Variants in PTPN2 observed in about 807,000 individuals in gnomAD.
The protein encoded by PTPN2 is tyrosine-protein phosphatase non-receptor type 2.
Under a neutral mutation model 57.3 loss-of-function variants are expected in PTPN2, and 19 were observed. The ratio of observed to expected loss-of-function variants is 0.33; its 90% CI spans 0.23 to 0.49. The LOEUF (loss-of-function observed/expected upper bound fraction) is 0.49, where lower values mean the gene tolerates loss of function less well. Ranked by LOEUF, PTPN2 falls within the 20% of genes least tolerant of loss-of-function variation. The probability of loss-of-function intolerance (pLI) is 0.99; values close to 1 mark genes in which losing one functional copy is unlikely to be tolerated. For missense variants in PTPN2, 358 were observed against 501.1 expected (o/e 0.71, Z 2.73); for synonymous variants, 153 against 164.9 (o/e 0.93, Z 0.55).
chr18:12,874,373 A>G (rs1251753852), intron 1 of PTPN2, among the ~76,000 whole-genome samples: 1 of 121,034 alleles, frequency 8.3e-6, no homozygotes, highest in Non-Finnish European at 1.7e-5. Context: ...GGCCGCCCCT[A>G]CTGGGAAGTG....
chr18:12,828,925 G>T (rs2042571069), intron 4 of PTPN2, among the ~76,000 whole-genome samples: 1 of 152,032 alleles, frequency 6.6e-6, no homozygotes, highest in Non-Finnish European at 1.5e-5. Flanking sequence ...TTGAGACAGG[G>T]TCTCGCTCTG....
chr18:12,788,039 G>A (rs142135775), downstream of PTPN2: 138 of 154,900 alleles, frequency 8.9e-4, 2 homozygotes, highest in East Asian at 0.022. Flanking sequence ...CTCTTAAGGT[G>A]CAAAGATGCT....
intron 1 of PTPN2, among the ~76,000 whole-genome samples, chr18:12,873,549 G>T (rs531487766): frequency 2.6e-5 from 4 of 152,194 alleles, no homozygotes; most frequent in Non-Finnish European, 4.4e-5. Context: ...CTCGGCCTCC[G>T]GAGGTGCCGG....
At chr18:12,877,604 C>T (rs1452854871) in intron 1 of PTPN2, among the ~76,000 whole-genome samples, 4 of 152,154 alleles carry the variant, frequency 2.6e-5, no homozygotes, top group African/African-American at 9.7e-5. Context: ...CTGGCTGCCC[C>T]GCTGTAAGTA....
rs1172552219 is a variant in PTPN2 at position 12,814,323 on chromosome 18, T to C, written c.738A>G (p.Gln246=). ...GGTATTTTCTCATGTTCAGTAACAC[T>C]TGTTTTATGTTAATATCATCTCCTT... ...MEKGDDINIK[Q]VLLNMRKYRM... Residue 246 remains glutamine (Q), a synonymous_variant, in exon 7 of 9, where the codon CAA becomes CAG. Coordinates refer to ENST00000309660, the MANE Select transcript of PTPN2 (RefSeq NM_002828.4). The C allele has an allele frequency of 1.2e-6, 2 of 1,603,198 alleles. No homozygotes were observed.
At chr18:12,827,254 A>C (rs1026244660) in intron 4 of PTPN2, among the ~76,000 whole-genome samples, 1 of 151,878 alleles carries the variant, frequency 6.6e-6, no homozygotes, top group African/African-American at 2.4e-5. Context: ...GAGGCAGAAG[A>C]ATGGCGTGAA....
intron 5 of PTPN2, among the ~76,000 whole-genome samples, chr18:12,822,425 T>C (rs957277655): frequency 2.6e-5 from 4 of 152,288 alleles, no homozygotes; most frequent in Admixed American, 2.6e-4. Flanking sequence ...ATTTTTAAAA[T>C]CCCTCAAAAT....
intron 7 of PTPN2, among the ~76,000 whole-genome samples, chr18:12,803,308 A>G (rs1044689265): frequency 1.3e-5 from 2 of 152,184 alleles, no homozygotes; most frequent in Admixed American, 6.5e-5. Context: ...AAGGTAAACA[A>G]TAAGAGAGAA....
intron 2 of PTPN2, among the ~76,000 whole-genome samples, chr18:12,840,060 T>C (rs1427927166): frequency 6.6e-6 from 1 of 152,226 alleles, no homozygotes; most frequent in African/African-American, 2.4e-5. Flanking sequence ...TGTAACTGGT[T>C]ACAATTCATC....
At chr18:12,835,382 CTTTTTT>C (rs60239177) in intron 3 of PTPN2, among the ~76,000 whole-genome samples, 3 of 99,030 alleles carry the variant, frequency 3.0e-5, no homozygotes, top group African/African-American at 1.3e-4. Context: ...TCACATATGT[CTTTTTT>C]TTTTTTTTGG....
chr18:12,872,277 G>A (rs932556497), intron 1 of PTPN2: 2 of 152,086 alleles, frequency 1.3e-5, no homozygotes, highest in South Asian at 2.1e-4. Context: ...AAACTGTAAT[G>A]AGAAATTGAT....
At chr18:12,790,270 G>C (rs889663470), downstream of PTPN2, among the ~76,000 whole-genome samples, 25 of 152,088 alleles carry the variant, frequency 1.6e-4, no homozygotes, top group Non-Finnish European at 2.8e-4. Flanking sequence ...ATCAAGGCAG[G>C]CTAGATTTTT....
chr18:12,832,055 G>C (rs1187470535), intron 3 of PTPN2, among the ~76,000 whole-genome samples: 1 of 152,158 alleles, frequency 6.6e-6, no homozygotes, highest in African/African-American at 2.4e-5. Context: ...GTCAGGAGTG[G>C]GGGCTAGGGC....
Position 12,793,846 on chromosome 18 carries a change from A to T in PTPN2, c.*432T>A. 9.9e-7 allele frequency: 1 copy of T among 1,012,766 alleles called. No homozygotes were observed. Among genetic ancestry groups the T allele is most frequent in the Non-Finnish European group, 1.2e-6 (1 of 838,920 alleles). 62.7% of individuals were successfully genotyped at this position (1,012,766 alleles called of 1,614,324 possible). ...TGCCCATGTCAATAGTACATTATAC[A>T]TTACACACATTATTTAAATGTCATT... On this transcript the variant is annotated 3_prime_UTR_variant, in exon 9 of 9. Transcript: ENST00000309660.
Position 12,794,415 on chromosome 18 carries a change from T to C in PTPN2, c.1111A>G (p.Arg371Gly), listed in dbSNP as rs536642089. Residue 371 changes from arginine to glycine, a missense_variant, in exon 9 of 9, where the codon AGG becomes GGG. By Grantham distance (125) the Arg-to-Gly change is moderately radical. Transcript: ENST00000309660. ...CTTTTTCGTTCATTCTCATTTAGCC[T>C]CTGTTTCATCTGCTGCACCTTCTGA... ...TAQKVQQMKQ[R>G]LNENERKRKR... is the part of the protein sequence containing the mutation. The C allele has an allele frequency of 1.4e-4, 220 of 1,614,206 alleles. 1 individual carries two copies. In the South Asian group the frequency reaches 2.2e-3, roughly 16 times the overall value.
chr18:12,835,274 AATT>A (rs1310814316), intron 3 of PTPN2, among the ~76,000 whole-genome samples: 5 of 152,140 alleles, frequency 3.3e-5, no homozygotes. Context: ...AAGCTCCACA[AATT>A]ATTACTAATG....
chr18:12,807,656 CA>C (rs954304986), intron 7 of PTPN2, among the ~76,000 whole-genome samples: 6 of 133,960 alleles, frequency 4.5e-5, no homozygotes, highest in Non-Finnish European at 9.4e-5. Flanking sequence ...TCTTTTGTGG[CA>C]AAATGGATGA....
chr18:12,860,861 C>T (rs367614326), intron 1 of PTPN2, among the ~76,000 whole-genome samples: 1 of 151,906 alleles, frequency 6.6e-6, no homozygotes, highest in Non-Finnish European at 1.5e-5. Flanking sequence ...GTTTGATCTC[C>T]CAGGAAACAG....
intron 1 of PTPN2, among the ~76,000 whole-genome samples, chr18:12,880,922 C>T (rs7242290): frequency 0.046 from 7,026 of 152,268 alleles, 532 homozygotes; most frequent in African/African-American, 0.16. Flanking sequence ...CTCGCAGGTA[C>T]CTCAAACAGA....
Sources: allele counts gnomAD v4.1 joint callset (sites outside exome capture counted in the v4.1 genomes callset), GRCh38; gene constraint gnomAD v4.1.1; transcripts MANE v1.5; gene names NCBI Gene and HGNC (gene_info 2026-07-23, HGNC 2026-07-21).